ADRA1B: variants seen among roughly 807,000 people sequenced by gnomAD.
ADRA1B encodes alpha-1B adrenergic receptor.
In ADRA1B, 17 loss-of-function variants were observed where a neutral mutation model predicts 17.9. The observed-to-expected ratio is 0.95, with a 90% CI of 0.65 to 1.42. ADRA1B has a LOEUF of 1.42. Among genes scored for constraint, ADRA1B ranks in the 40% most tolerant of loss-of-function variants. ADRA1B has a pLI of 0.00. For missense variants in ADRA1B, 681 were observed against 722.1 expected, an observed-to-expected ratio of 0.94 and a Z score of 0.65; for synonymous variants, 366 against 327.6, an observed-to-expected ratio of 1.12 and a Z score of -1.27.
intron 1 of ADRA1B, among the ~76,000 whole-genome samples, chr5:159,967,052 T>C (rs1014458770): frequency 1.3e-5 from 2 of 152,218 alleles, no homozygotes; most frequent in African/African-American, 4.8e-5. Context: ...TTTTTTTAAA[T>C]CTGGAAGGAT....
At chr5:159,899,037 C>T (rs1047609893) in intron 1 of ADRA1B, among the ~76,000 whole-genome samples, 2 of 151,844 alleles carry the variant, frequency 1.3e-5, no homozygotes, top group East Asian at 1.9e-4. Flanking sequence ...GTCCCAGCTA[C>T]GTGGGAGGCT....
At chr5:159,974,175 C>G (rs184183132), downstream of ADRA1B, among the ~76,000 whole-genome samples, 14 of 142,538 alleles carry the variant, frequency 9.8e-5, no homozygotes, top group East Asian at 2.7e-3. Context: ...TCAAGTTACT[C>G]ACAGTCTCTT....
At chr5:159,925,246 A>C (rs1409598282) in intron 1 of ADRA1B, among the ~76,000 whole-genome samples, 1 of 152,250 alleles carries the variant, frequency 6.6e-6, no homozygotes, top group African/African-American at 2.4e-5. Flanking sequence ...CCCGTCATTC[A>C]GCAACCAAGA....
chr5:159,973,014 G>A (rs1755916944), downstream of ADRA1B, among the ~76,000 whole-genome samples: 2 of 152,342 alleles, frequency 1.3e-5, no homozygotes, highest in South Asian at 2.1e-4. Context: ...TCTCCTGTTC[G>A]GCTTTGAGTG....
chr5:159,987,297 C>T, the ADRA1B span, among the ~76,000 whole-genome samples: 6 of 152,342 alleles, frequency 3.9e-5, no homozygotes, highest in South Asian at 1.2e-3. Flanking sequence ...GGCGGGGGCG[C>T]CCAGGTGCGC....
chr5:159,911,543 G>A (rs1461598690), upstream of ADRA1B, among the ~76,000 whole-genome samples: 1 of 152,192 alleles, frequency 6.6e-6, no homozygotes, highest in Non-Finnish European at 1.5e-5. Flanking sequence ...TGCTGCAAAG[G>A]GCTGCCACTG....
Position 159,922,478 on chromosome 5 carries a change from C to T in ADRA1B, c.949+4624C>T, listed in dbSNP as rs1581036056. 5.3e-5 allele frequency among the ~76,000 whole-genome samples: 8 copies of T among 152,298 alleles called. 1 individual carries two copies. The South Asian group carries it at 1.7e-3, about 32-fold the overall frequency. ...CATAGCACATGTACTCCAGGAAACC[C>T]AGAACCACCCTGTCAAGAACTAGTA... On this transcript the variant is annotated intron_variant, in intron 1 of 1. Coordinates refer to ENST00000306675, the MANE Select transcript of ADRA1B (RefSeq NM_000679.4).
chr5:159,876,295 G>A (rs758195628), intron 1 of ADRA1B, among the ~76,000 whole-genome samples: 6 of 152,182 alleles, frequency 3.9e-5, no homozygotes, highest in Non-Finnish European at 8.8e-5. Flanking sequence ...GCTCTGCATC[G>A]GCTTCTGTGC....
At chr5:159,927,087 T>C (rs1754676153) in intron 1 of ADRA1B, among the ~76,000 whole-genome samples, 1 of 152,102 alleles carries the variant, frequency 6.6e-6, no homozygotes, top group Non-Finnish European at 1.5e-5. Flanking sequence ...TCAAGACCCG[T>C]GTGGACACAA....
At chr5:159,873,858 T>C (rs1049557759) in intron 1 of ADRA1B, among the ~76,000 whole-genome samples, 1 of 152,186 alleles carries the variant, frequency 6.6e-6, no homozygotes, top group African/African-American at 2.4e-5. Context: ...ATCATTTTTT[T>C]TGATGATGAT....
chr5:159,911,921 G>T (rs867879817), upstream of ADRA1B, among the ~76,000 whole-genome samples: 3 of 152,248 alleles, frequency 2.0e-5, 1 homozygote, highest in South Asian at 6.2e-4. Context: ...GTGTATTTCA[G>T]CTGTGCCACT....
At chr5:159,973,263 T>TCAC (rs1384970068), downstream of ADRA1B, among the ~76,000 whole-genome samples, 21 of 152,354 alleles carry the variant, frequency 1.4e-4, no homozygotes, top group East Asian at 3.9e-3. Flanking sequence ...TGGCTGAACG[T>TCAC]GACGCCCTGG....
At chr5:159,979,853 G>A in the ADRA1B span, among the ~76,000 whole-genome samples, 2 of 151,572 alleles carry the variant, frequency 1.3e-5, no homozygotes, top group Non-Finnish European at 2.9e-5. Context: ...GGGCAACAGA[G>A]CAAGACTCCG....
At chr5:159,984,806 G>A in the ADRA1B span, among the ~76,000 whole-genome samples, 14 of 151,680 alleles carry the variant, frequency 9.2e-5, no homozygotes, top group Admixed American at 9.2e-4. Flanking sequence ...CTACTTGGGA[G>A]GCTGAGGCAG....
At chr5:159,935,427 T>G (rs1414331413) in intron 1 of ADRA1B, among the ~76,000 whole-genome samples, 1 of 152,198 alleles carries the variant, frequency 6.6e-6, no homozygotes, top group Non-Finnish European at 1.5e-5. Context: ...TACATCTTCT[T>G]TTAAGAAATA....
chr5:159,903,759 C>T (rs976154828), intron 1 of ADRA1B, among the ~76,000 whole-genome samples: 3 of 152,162 alleles, frequency 2.0e-5, no homozygotes, highest in African/African-American at 7.2e-5. Context: ...CACATCCCCT[C>T]ATCTTCAAAT....
chr5:159,947,595 T>A, intron 1 of ADRA1B: 1 of 563,386 alleles, frequency 1.8e-6, no homozygotes, highest in Non-Finnish European at 2.2e-6. Flanking sequence ...GTTTCCCTTT[T>A]ACATTCTTTT....
At chr5:159,947,734 A>G in intron 1 of ADRA1B, 1 of 985,450 alleles carries the variant, frequency 1.0e-6, no homozygotes, top group Non-Finnish European at 1.2e-6. Flanking sequence ...TGCTTGCTGT[A>G]AATCCAGGAA....
At chr5:159,910,203 G>A (rs1170269570) in intron 1 of ADRA1B, among the ~76,000 whole-genome samples, 1 of 152,156 alleles carries the variant, frequency 6.6e-6, no homozygotes, top group Non-Finnish European at 1.5e-5. Context: ...ACTATATACA[G>A]TTCATTTAAT....
Sources: gnomAD v4.1 joint callset for allele counts (sites outside exome capture counted in the v4.1 genomes callset) on GRCh38, gnomAD v4.1.1 for gene constraint, MANE v1.5 for transcripts, NCBI Gene and HGNC (gene_info 2026-07-23, HGNC 2026-07-21) for gene names.